RSPO2: variants seen among roughly 807,000 people sequenced by gnomAD.
RSPO2 encodes the protein R-spondin 2, also known as R-spondin-2.
A neutral mutation model predicts 30.9 loss-of-function variants in RSPO2; 14 were observed. That is an observed-to-expected ratio of 0.45 (90% CI 0.30 to 0.71). RSPO2 has a LOEUF of 0.71. Ranked by LOEUF, RSPO2 falls within the 30% of genes least tolerant of loss-of-function variation. The probability of loss-of-function intolerance (pLI) is 0.08; values close to 1 mark genes in which losing one functional copy is unlikely to be tolerated. For synonymous variants in RSPO2, 107 were observed against 96.4 expected, an observed-to-expected ratio of 1.11 and a Z score of -0.64; for missense variants, 264 against 301.9, an observed-to-expected ratio of 0.87 and a Z score of 0.93.
At chr8:107,944,747 G>A (rs994548620) in intron 5 of RSPO2, among the ~76,000 whole-genome samples, 1 of 152,142 alleles carries the variant, frequency 6.6e-6, no homozygotes, top group Non-Finnish European at 1.5e-5. Context: ...CAGCACTTTA[G>A]TTTCCAGTCT....
intron 2 of RSPO2, among the ~76,000 whole-genome samples, chr8:108,006,643 T>TA (rs1815462809): frequency 6.6e-6 from 1 of 151,530 alleles, no homozygotes; most frequent in Non-Finnish European, 1.5e-5. Flanking sequence ...GAAAGAAGGA[T>TA]AAATGTCTGA....
At chr8:108,048,240 TGTA>T (rs1333269971) in intron 2 of RSPO2, among the ~76,000 whole-genome samples, 30 of 152,016 alleles carry the variant, frequency 2.0e-4, no homozygotes, top group Admixed American at 2.6e-4. Flanking sequence ...CACATCAGCT[TGTA>T]AGAAAGTCAT....
intron 2 of RSPO2, among the ~76,000 whole-genome samples, chr8:108,038,109 C>T (rs1377130229): frequency 3.3e-5 from 5 of 152,160 alleles, no homozygotes; most frequent in African/African-American, 1.2e-4. Context: ...GGAAAGGGTT[C>T]ACCCTTCTAG....
At chr8:107,917,679 G>T (rs1014047101) in intron 5 of RSPO2, among the ~76,000 whole-genome samples, 1 of 152,114 alleles carries the variant, frequency 6.6e-6, no homozygotes, top group African/African-American at 2.4e-5. Flanking sequence ...CATACAGGAA[G>T]CATTGTCAAA....
At chr8:107,979,381 G>A (rs1269656210) in intron 3 of RSPO2, among the ~76,000 whole-genome samples, 1 of 152,130 alleles carries the variant, frequency 6.6e-6, no homozygotes, top group Non-Finnish European at 1.5e-5. Flanking sequence ...GTCCTTTGTA[G>A]GGACATGGAT....
At chr8:107,955,861 T>C (rs1432699408) in intron 5 of RSPO2, among the ~76,000 whole-genome samples, 1 of 152,200 alleles carries the variant, frequency 6.6e-6, no homozygotes, top group Admixed American at 6.5e-5. Context: ...GAAAAATCCA[T>C]ACATATGTTG....
intron 4 of RSPO2, among the ~76,000 whole-genome samples, chr8:107,959,296 G>GA (rs1309782618): frequency 6.6e-6 from 1 of 152,160 alleles, no homozygotes; most frequent in Non-Finnish European, 1.5e-5. Context: ...TCAGTCATTT[G>GA]AAAATGTATG....
chr8:108,046,229 G>A (rs956568168), intron 2 of RSPO2, among the ~76,000 whole-genome samples: 2 of 152,144 alleles, frequency 1.3e-5, no homozygotes, highest in South Asian at 4.1e-4. Context: ...GCAGAACAGT[G>A]TAATAAGATT....
intron 2 of RSPO2, among the ~76,000 whole-genome samples, chr8:108,079,148 G>C (rs1288282513): frequency 1.3e-5 from 2 of 152,168 alleles, no homozygotes; most frequent in East Asian, 3.8e-4. Context: ...ATTTTGAAGG[G>C]GGAGTCAGGG....
At chr8:107,960,853 A>G (rs767632241) in intron 3 of RSPO2, 36 bp from the exon 4 acceptor site, 2 of 1,480,138 alleles carry the variant, frequency 1.4e-6, no homozygotes, top group South Asian at 1.3e-5. Flanking sequence ...AGAAAATTTC[A>G]GTCAAAGAAA....
At chr8:107,982,701 AC>A (rs1814487226) in intron 3 of RSPO2, among the ~76,000 whole-genome samples, 1 of 152,170 alleles carries the variant, frequency 6.6e-6, no homozygotes, top group African/African-American at 2.4e-5. Context: ...TAGCGACCCA[AC>A]AAAAACAATG....
chr8:107,977,137 G>A (rs1586594731), intron 3 of RSPO2, among the ~76,000 whole-genome samples: 1 of 152,326 alleles, frequency 6.6e-6, no homozygotes, highest in South Asian at 2.1e-4. Context: ...AAACAGGTAT[G>A]TGTGAATGAG....
At chr8:108,077,137 A>T (rs184160154) in intron 2 of RSPO2, among the ~76,000 whole-genome samples, 1 of 152,232 alleles carries the variant, frequency 6.6e-6, no homozygotes, top group Admixed American at 6.5e-5. Context: ...TAAGTCTAAC[A>T]TTTATAAACT....
intron 5 of RSPO2, among the ~76,000 whole-genome samples, chr8:107,921,609 C>A (rs1812177855): frequency 6.6e-6 from 1 of 152,004 alleles, no homozygotes; most frequent in Non-Finnish European, 1.5e-5. Flanking sequence ...CCAACTAATT[C>A]TATGGGGCCA....
chr8:107,973,186 C>T (rs951600164), intron 3 of RSPO2, among the ~76,000 whole-genome samples: 7 of 151,438 alleles, frequency 4.6e-5, no homozygotes, highest in Non-Finnish European at 1.0e-4. Flanking sequence ...AGGAGTATGG[C>T]GTGAACCCGG....
At chr8:108,067,818 G>C (rs2130718380) in intron 2 of RSPO2, among the ~76,000 whole-genome samples, 1 of 152,304 alleles carries the variant, frequency 6.6e-6, no homozygotes, top group African/African-American at 2.4e-5. Flanking sequence ...GCCAGGCACG[G>C]TGGCTCACAC....
intron 5 of RSPO2, among the ~76,000 whole-genome samples, chr8:107,931,550 T>C (rs974478901): frequency 1.3e-5 from 2 of 152,094 alleles, no homozygotes; most frequent in Admixed American, 6.6e-5. Context: ...TAAAATCAAG[T>C]AAAATAGAAT....
At chr8:108,038,632 T>C (rs536311361) in intron 2 of RSPO2, among the ~76,000 whole-genome samples, 1 of 152,216 alleles carries the variant, frequency 6.6e-6, no homozygotes, top group East Asian at 1.9e-4. Context: ...TTAAAAAAAC[T>C]GCCACCAGCA....
At chr8:108,049,293 T>C (rs1586657745) in intron 2 of RSPO2, among the ~76,000 whole-genome samples, 1 of 152,072 alleles carries the variant, frequency 6.6e-6, no homozygotes, top group African/African-American at 2.4e-5. Context: ...CCACACGATA[T>C]ATTCATTTTC....
Sources: allele counts gnomAD v4.1 joint callset (sites outside exome capture counted in the v4.1 genomes callset), GRCh38; gene constraint gnomAD v4.1.1; transcripts MANE v1.5; gene names NCBI Gene and HGNC (gene_info 2026-07-23, HGNC 2026-07-21).